The following EBF2 variants were observed in gnomAD, a reference collection of about 807,000 sequenced individuals.
EBF2 encodes the protein transcription factor COE2.
Under a neutral mutation model 72.8 loss-of-function variants are expected in EBF2, and 21 were observed. That is an observed-to-expected ratio of 0.29 (90% confidence interval 0.20 to 0.42). The LOEUF (loss-of-function observed/expected upper bound fraction) is 0.42. Ranked by LOEUF, EBF2 falls within the 10% of genes least tolerant of loss-of-function variation. The pLI is 1.00. For synonymous variants in EBF2, 299 were observed against 274.2 expected (o/e 1.09, Z -0.89); for missense variants, 637 against 731.2 (o/e 0.87, Z 1.49).
chr8:25,899,476 T>G (rs1423218641), intron 7 of EBF2, among the ~76,000 whole-genome samples: 1 of 152,208 alleles, frequency 6.6e-6, no homozygotes, highest in Non-Finnish European at 1.5e-5. Context: ...TGAAGAAACC[T>G]GCAGGCAGCT....
At chr8:25,877,913 A>G (rs1473763535) in intron 10 of EBF2, among the ~76,000 whole-genome samples, 1 of 152,180 alleles carries the variant, frequency 6.6e-6, no homozygotes, top group Non-Finnish European at 1.5e-5. Flanking sequence ...ACAGATTCCC[A>G]GACCCTGTCC....
intron 6 of EBF2, among the ~76,000 whole-genome samples, chr8:25,960,162 G>C (rs1241845527): frequency 2.0e-5 from 3 of 152,180 alleles, no homozygotes; most frequent in African/African-American, 7.2e-5. Context: ...GGATCTCTGA[G>C]TCAGGATAGG....
chr8:25,855,220 A>G (rs757457964), intron 14 of EBF2, among the ~76,000 whole-genome samples: 9 of 152,100 alleles, frequency 5.9e-5, no homozygotes, highest in African/African-American at 1.9e-4. Flanking sequence ...GCTGGAACTC[A>G]CCGGGCACAT....
chr8:25,983,475 T>C (rs902584529), intron 6 of EBF2, among the ~76,000 whole-genome samples: 3 of 152,234 alleles, frequency 2.0e-5, no homozygotes, highest in Non-Finnish European at 4.4e-5. Context: ...AAACAGAAGT[T>C]CTCTGACTCC....
At chr8:25,979,130 C>T (rs143014682) in intron 6 of EBF2, among the ~76,000 whole-genome samples, 1,845 of 152,324 alleles carry the variant, frequency 0.012, 13 homozygotes, top group Non-Finnish European at 0.019. Flanking sequence ...CTGTCACTGT[C>T]ACACCCAAAG....
At chr8:25,996,939 A>T (rs1804643603) in intron 6 of EBF2, among the ~76,000 whole-genome samples, 2 of 152,218 alleles carry the variant, frequency 1.3e-5, no homozygotes, top group South Asian at 4.1e-4. Context: ...ATGTTGACTA[A>T]ATCCACTATT....
At chr8:26,008,626 A>G (rs1206856789) in intron 6 of EBF2, among the ~76,000 whole-genome samples, 1 of 152,206 alleles carries the variant, frequency 6.6e-6, no homozygotes, top group East Asian at 1.9e-4. Flanking sequence ...TAGAAGAATT[A>G]AGGCTTCCCA....
chr8:25,965,309 C>T (rs187203416), intron 6 of EBF2, among the ~76,000 whole-genome samples: 50 of 152,260 alleles, frequency 3.3e-4, no homozygotes, highest in African/African-American at 1.2e-3. Context: ...TTTTGTGTAA[C>T]ATATTTTGTT....
At chr8:25,964,580 G>C (rs75818201) in intron 6 of EBF2, among the ~76,000 whole-genome samples, 1 of 152,154 alleles carries the variant, frequency 6.6e-6, no homozygotes, top group East Asian at 1.9e-4. Flanking sequence ...ATGTTTAATG[G>C]GAGCGCCACA....
intron 6 of EBF2, among the ~76,000 whole-genome samples, chr8:25,984,475 G>A (rs1407746964): frequency 6.6e-6 from 1 of 152,182 alleles, no homozygotes; most frequent in African/African-American, 2.4e-5. Context: ...CTGAGGTCAG[G>A]AGTTCGAGAA....
intron 10 of EBF2, among the ~76,000 whole-genome samples, chr8:25,885,282 G>A (rs955033630): frequency 6.6e-6 from 1 of 151,546 alleles, no homozygotes. Context: ...TCATTTTTAA[G>A]TGTGCAGCTC....
At chr8:25,995,842 T>G (rs887631530) in intron 6 of EBF2, among the ~76,000 whole-genome samples, 2 of 151,906 alleles carry the variant, frequency 1.3e-5, no homozygotes, top group Non-Finnish European at 2.9e-5. Context: ...AACATTTATA[T>G]TAATAATACA....
At chr8:25,854,438 A>C (rs1037486004) in intron 14 of EBF2, among the ~76,000 whole-genome samples, 1 of 151,808 alleles carries the variant, frequency 6.6e-6, no homozygotes, top group African/African-American at 2.4e-5. Context: ...CTTTCCTTCC[A>C]CCCTCTCTTT....
chr8:25,938,461 C>T (rs1467343732), intron 6 of EBF2, among the ~76,000 whole-genome samples: 4 of 150,948 alleles, frequency 2.6e-5, no homozygotes, highest in African/African-American at 9.8e-5. Context: ...CCTTCATTTA[C>T]AGCCAATATA....
At chr8:25,935,041 C>T (rs1411484913) in intron 6 of EBF2, among the ~76,000 whole-genome samples, 1 of 152,130 alleles carries the variant, frequency 6.6e-6, no homozygotes, top group African/African-American at 2.4e-5. Context: ...GGGTGGGCAG[C>T]GGGCAGGATC....
chr8:25,898,324 T>C (rs1277203611), intron 7 of EBF2, among the ~76,000 whole-genome samples: 2 of 152,176 alleles, frequency 1.3e-5, no homozygotes, highest in South Asian at 2.1e-4. Context: ...AGAAGAATTC[T>C]AATTGGCATA....
At chr8:25,941,275 G>T (rs1052408902) in intron 6 of EBF2, among the ~76,000 whole-genome samples, 1 of 149,174 alleles carries the variant, frequency 6.7e-6, no homozygotes, top group Non-Finnish European at 1.5e-5. Flanking sequence ...GAGCAATCTT[G>T]GTTCACTGCA....
At chr8:25,944,476 C>T (rs1231271472) in intron 6 of EBF2, among the ~76,000 whole-genome samples, 2 of 151,866 alleles carry the variant, frequency 1.3e-5, no homozygotes, top group Non-Finnish European at 2.9e-5. Flanking sequence ...GCATCTAGCA[C>T]AGGACTTTCT....
chr8:25,916,178 T>G (rs1311268352), intron 6 of EBF2, among the ~76,000 whole-genome samples: 1 of 149,400 alleles, frequency 6.7e-6, no homozygotes, highest in Non-Finnish European at 1.5e-5. Flanking sequence ...CCTAGCGACT[T>G]GGGAGGCTGA....
Sources: gnomAD v4.1 joint callset for allele counts (sites outside exome capture counted in the v4.1 genomes callset) on GRCh38, gnomAD v4.1.1 for gene constraint, MANE v1.5 for transcripts, NCBI Gene and HGNC (gene_info 2026-07-23, HGNC 2026-07-21) for gene names.